ZNF835: variants seen among roughly 807,000 people sequenced by gnomAD.
ZNF835 encodes the protein zinc finger protein 835.
For missense variants in ZNF835, 783 were observed against 758.4 expected, an observed-to-expected ratio of 1.03 and a Z score of -0.38; for synonymous variants, 323 against 324.7, an observed-to-expected ratio of 0.99 and a Z score of 0.06.
chr19:56,663,297 T>G lies in ZNF835; in HGVS notation c.*288A>C, dbSNP rs968959773. On this transcript the variant is annotated 3_prime_UTR_variant, in exon 2 of 2. Transcript: ENST00000537055. ...TCGCTCCACTGCACTCTAGCCTGGG[T>G]GACAGAGAGAGACACTGTCTCAAAG... The G allele has an allele frequency of 2.1e-5, 10 of 469,256 alleles. No individual in the cohort carries two copies. The highest frequency in any genetic ancestry group is 5.8e-4 in the Middle Eastern group (1 of 1,712). The allele number at this position is 469,256 out of a possible 1,614,324, so 29.1% of individuals were successfully genotyped here. A position where few individuals can be genotyped will look rare whatever the true frequency, so the allele number is the denominator to read the frequency against.
Position 56,663,869 on chromosome 19 carries a change from G to A in ZNF835, c.1330C>T (p.Arg444Trp), listed in dbSNP as rs1412785695. 4.3e-6 allele frequency: 7 copies of A among 1,612,004 alleles called. No individual in the cohort carries two copies. The African/African-American group carries it at 8.0e-5, about 18-fold the overall frequency. ...ALHQRTHTGERPYTCPECGKA... is the reference protein window; with the variant it reads ...ALHQRTHTGEWPYTCPECGKA... ...CCGCACTCGGGGCAGGTGTAGGGCCGCTCGCCCGTGTGCGTGCGCTGGTGC... is the reference window on the plus strand; with the variant it reads ...CCGCACTCGGGGCAGGTGTAGGGCCACTCGCCCGTGTGCGTGCGCTGGTGC... Residue 444 changes from arginine to tryptophan, a missense_variant, in exon 2 of 2, where the codon CGG becomes TGG. Coordinates refer to ENST00000537055, the MANE Select transcript of ZNF835 (RefSeq NM_001005850.3).
rs1245794889 is a variant in ZNF835 at position 56,664,431 on chromosome 19, G to A, written c.768C>T (p.Ala256=). Residue 256 remains alanine (A), a synonymous_variant, in exon 2 of 2, where the codon GCC becomes GCT. Transcript: ENST00000537055. Reference sequence around the variant, plus strand: ...GCGCTGAGGAGAAGCGGAAGGCCTTGGCGCACGCGGAGCACTCGTAGGGCT... The same window carrying A: ...GCGCTGAGGAGAAGCGGAAGGCCTTAGCGCACGCGGAGCACTCGTAGGGCT... The part of the protein sequence containing the change: ...GEKPYECSAC[A]KAFRFSSALI... The A allele has an allele frequency of 3.1e-6, 5 of 1,612,606 alleles. No individual in the cohort carries two copies. Among genetic ancestry groups the A allele is most frequent in the South Asian group, 2.2e-5 (2 of 91,046 alleles).
In ZNF835 at chr19:56,664,717, G is replaced by T; in HGVS notation, c.482C>A (p.Thr161Lys). Reference protein sequence around the residue: ...VHLTLHQRTHTGEKPYACHEC... With the variant: ...VHLTLHQRTHKGEKPYACHEC... Reference sequence around the variant, plus strand: ...GTGGCAGGCGTAGGGCTTCTCGCCCGTGTGCGTGCGCTGGTGCAGGGTCAG... The same window carrying T: ...GTGGCAGGCGTAGGGCTTCTCGCCCTTGTGCGTGCGCTGGTGCAGGGTCAG... The change falls in exon 2 of 2, where the codon ACG becomes AAG. Residue 161 changes from threonine to lysine, a missense_variant. Thr to Lys is a moderately conservative substitution (Grantham distance 78). Coordinates refer to ENST00000537055, the MANE Select transcript of ZNF835 (RefSeq NM_001005850.3). 1 of 1,611,490 alleles carries T rather than the reference G, an allele frequency of 6.2e-7. No homozygotes were observed. Among genetic ancestry groups the T allele is most frequent in the South Asian group, 1.1e-5 (1 of 90,782 alleles).
In ZNF835 at chr19:56,663,162, GA is replaced by G. The variant is rs34647340; in HGVS notation, c.*422del. 3,179 of 123,198 alleles carry G rather than the reference GA, an allele frequency of 0.026. 4 individuals carry two copies. Among genetic ancestry groups the G allele is most frequent in the South Asian group, 0.054 (263 of 4,842 alleles). 7.6% of individuals were successfully genotyped at this position (123,198 alleles called of 1,614,324 possible). On this transcript the variant is annotated 3_prime_UTR_variant, in exon 2 of 2. Coordinates refer to ENST00000537055, the MANE Select transcript of ZNF835 (RefSeq NM_001005850.3). The stretch of plus-strand genomic sequence containing the variant: ...GGCGACAGAGCAAGACTCCGTCTCA[GA>G]AAAAAAAAAAAAAAAAAATTAGCCA...
At position 56,670,612 on chromosome 19, in the gene ZNF835, C is replaced by G. The variant is rs2068199043; in HGVS notation, c.-48+964G>C. Among the ~76,000 whole-genome samples the G allele has an allele frequency of 2.0e-5, 3 of 152,194 alleles. No individual in the cohort carries two copies. In the South Asian group the frequency reaches 6.2e-4, roughly 31 times the overall value. On this transcript the variant is annotated intron_variant, in intron 1 of 1. Coordinates refer to ENST00000537055, the MANE Select transcript of ZNF835 (RefSeq NM_001005850.3). ...CACAAGGTCACACATGCCACCTGCT[C>G]CACACAGGCCGGCCATTACTGGGAC...
At position 56,664,308 on chromosome 19, in the gene ZNF835, C is replaced by G. The variant is rs1427292352; in HGVS notation, c.891G>C (p.Arg297=). 2 of 1,605,136 alleles carry G rather than the reference C, an allele frequency of 1.2e-6. No individual in the cohort carries two copies. The highest frequency in any genetic ancestry group is 1.7e-6 in the Non-Finnish European group (2 of 1,176,028). Reference sequence around the variant, plus strand: ...AGGGCTTCTCGCCCGTGTGCACGCGCCGGTGCTGGGTCAGGTGCGCGATCT... The same window carrying G: ...AGGGCTTCTCGCCCGTGTGCACGCGGCGGTGCTGGGTCAGGTGCGCGATCT... ...FAQIAHLTQH[R]RVHTGEKPYT... The change falls in exon 2 of 2, where the codon CGG becomes CGC. Residue 297 remains arginine (R), a synonymous_variant. Coordinates refer to ENST00000537055, the MANE Select transcript of ZNF835 (RefSeq NM_001005850.3).
rs144713760 is a variant in ZNF835, at chr19:56,666,267, C to T, written c.-47-1022G>A. Among the ~76,000 whole-genome samples the T allele has an allele frequency of 6.4e-3, 970 of 152,218 alleles. 29 individuals are homozygous for T. In the East Asian group the frequency reaches 0.076, roughly 12 times the overall value. Reference sequence around the variant, plus strand: ...GACTACAGGTGCACGCCACCATGCCCGGCTAATTTTTGTATTTTTAGTAGA... The same window carrying T: ...GACTACAGGTGCACGCCACCATGCCTGGCTAATTTTTGTATTTTTAGTAGA... On this transcript the variant is annotated intron_variant, in intron 1 of 1. Coordinates refer to ENST00000537055, the MANE Select transcript of ZNF835 (RefSeq NM_001005850.3).
At position 56,664,349 on chromosome 19, in the gene ZNF835, C is replaced by A. The variant is rs575232626; in HGVS notation, c.850G>T (p.Ala284Ser). ...EEKPYRCGQC[A>S]KAFAQIAHLT... ...TGCGCGATCTGCGCGAAGGCCTTGGCGCACTGGCCGCAGCGGTAGGGCTTC... is the reference window on the plus strand; with the variant it reads ...TGCGCGATCTGCGCGAAGGCCTTGGAGCACTGGCCGCAGCGGTAGGGCTTC... The change falls in exon 2 of 2, where the codon GCC (alanine) becomes TCC (serine). Residue 284 changes from alanine (A) to serine (S), a missense_variant. Ala to Ser is a moderately conservative substitution (Grantham distance 99, BLOSUM62 1). Transcript: ENST00000537055. The A allele has an allele frequency of 1.1e-5, 18 of 1,607,308 alleles. No individual in the cohort carries two copies. The highest frequency in any genetic ancestry group is 1.7e-5 in the Admixed American group (1 of 58,836).
At chr19:56,665,297 C>G in intron 1 of ZNF835, 52 bp from the exon 2 acceptor site, 1 of 1,518,268 alleles carries the variant, frequency 6.6e-7, no homozygotes. Flanking sequence ...TTGTCCTGAG[C>G]TGGAAAAATG....
rs931987204 is a variant in ZNF835, at chr19:56,671,681, A to G, written c.-153T>C. On this transcript the variant is annotated 5_prime_UTR_variant, in exon 1 of 2. Coordinates refer to ENST00000537055, the MANE Select transcript of ZNF835 (RefSeq NM_001005850.3). ...CTCAGTCTCGGGTCCTCCTGGGCCA[A>G]CGCAGACCCTGGTGCCTCCTTCCTT... 2.6e-5 allele frequency: 4 copies of G among 152,198 alleles called. No homozygotes were observed. The highest frequency in any genetic ancestry group is 9.7e-5 in the African/African-American group (4 of 41,380). The allele number at this position is 152,198 out of a possible 1,614,324, so 9.4% of individuals were successfully genotyped here.
intron 1 of ZNF835, among the ~76,000 whole-genome samples, chr19:56,668,741 T>A (rs2045266011): frequency 7.4e-6 from 1 of 134,860 alleles, no homozygotes; most frequent in African/African-American, 2.7e-5. Context: ...ACAGAGCAAC[T>A]GAGGTGCAAG....
In ZNF835 at chr19:56,663,676, G is replaced by A. The variant is rs773060093; in HGVS notation, c.1523C>T (p.Thr508Met). ...DSSGRLCPAP[T>M]PDSTPGLSQG... Reference sequence around the variant, plus strand: ...TGAGAGCCCAGGTGTTGAGTCAGGCGTGGGAGCTGGGCAAAGGCGTCCCGA... The same window carrying A: ...TGAGAGCCCAGGTGTTGAGTCAGGCATGGGAGCTGGGCAAAGGCGTCCCGA... The change falls in exon 2 of 2, where the codon ACG becomes ATG. Residue 508 changes from threonine to methionine, a missense_variant. Coordinates refer to ENST00000537055, the MANE Select transcript of ZNF835 (RefSeq NM_001005850.3). 4 of 1,614,054 alleles carry A rather than the reference G, an allele frequency of 2.5e-6. No homozygotes were observed. In the South Asian group the frequency reaches 4.4e-5, roughly 18 times the overall value.
In ZNF835 at chr19:56,664,349, C is replaced by T. The variant is rs575232626; in HGVS notation, c.850G>A (p.Ala284Thr). ...EEKPYRCGQC[A>T]KAFAQIAHLT... ...TGCGCGATCTGCGCGAAGGCCTTGG[C>T]GCACTGGCCGCAGCGGTAGGGCTTC... The change falls in exon 2 of 2, where the codon GCC (alanine) becomes ACC (threonine). Residue 284 changes from alanine to threonine, a missense_variant. Physicochemically the swap from Ala to Thr is moderately conservative, Grantham distance 58. Transcript: ENST00000537055. The T allele has an allele frequency of 2.2e-5, 35 of 1,607,306 alleles. No homozygotes were observed. The highest frequency in any genetic ancestry group is 3.3e-5 in the South Asian group (3 of 90,510).
Position 56,664,667 on chromosome 19 carries a change from C to A in ZNF835, c.532G>T (p.Gly178Cys). 9.9e-6 allele frequency: 16 copies of A among 1,608,724 alleles called. No individual in the cohort carries two copies. The highest frequency in any genetic ancestry group is 1.4e-5 in the Non-Finnish European group (16 of 1,177,948). ...CHECGKAFSQ[G>C]SYLASHWRTH... ...CGCCAGTGGGACGCCAGGTACGAGC[C>A]CTGGCTGAAGGCCTTGCCGCACTCG... is the stretch of plus-strand genomic sequence containing the variant. The change falls in exon 2 of 2, where the codon GGC (glycine) becomes TGC (cysteine). Residue 178 changes from glycine (G) to cysteine (C), a missense_variant. Physicochemically the swap from Gly to Cys is radical, Grantham distance 159. Coordinates refer to ENST00000537055, the MANE Select transcript of ZNF835 (RefSeq NM_001005850.3).
rs1285961118 is a variant in ZNF835 at position 56,663,990 on chromosome 19, G to A, written c.1209C>T (p.Ser403=). The A allele has an allele frequency of 1.9e-6, 3 of 1,611,890 alleles. No individual in the cohort carries two copies. Among genetic ancestry groups the A allele is most frequent in the Admixed American group, 1.7e-5 (1 of 59,932 alleles). Residue 403 remains serine (S), a synonymous_variant, in exon 2 of 2, where the codon TCC becomes TCT. Coordinates refer to ENST00000537055, the MANE Select transcript of ZNF835 (RefSeq NM_001005850.3). The part of the protein sequence containing the change: ...LQCGAAFSHV[S]SLIEHQKIHT... ...GGATCTTCTGGTGCTCTATAAGCGA[G>A]GACACGTGGCTGAAGGCGGCCCCGC...
At chr19:56,671,290 C>T (rs1409298158) in intron 1 of ZNF835, among the ~76,000 whole-genome samples, 1 of 144,374 alleles carries the variant, frequency 6.9e-6, no homozygotes, top group African/African-American at 2.6e-5. Flanking sequence ...CACACCTGCA[C>T]GGCCTGGCAC....
At position 56,663,722 on chromosome 19, in the gene ZNF835, G is replaced by C; in HGVS notation, c.1477C>G (p.Gln493Glu). The change falls in exon 2 of 2, where the codon CAG (glutamine) becomes GAG (glutamate). Residue 493 changes from glutamine (Q) to glutamate (E), a missense_variant. Coordinates refer to ENST00000537055, the MANE Select transcript of ZNF835 (RefSeq NM_001005850.3). Reference sequence around the variant, plus strand: ...CCCGAACTGTCTGCATGCGTCCTCTGGTGTCGGATGAGCGCGGAGGAGAAG... The same window carrying C: ...CCCGAACTGTCTGCATGCGTCCTCTCGTGTCGGATGAGCGCGGAGGAGAAG... ...FSFSSALIRH[Q>E]RTHADSSGRL... 2.5e-6 allele frequency: 4 copies of C among 1,614,034 alleles called. No homozygotes were observed. In the South Asian group the frequency reaches 4.4e-5, roughly 18 times the overall value.
In ZNF835 at chr19:56,664,059, G is replaced by GT. The variant is rs767756013; in HGVS notation, c.1139dup (p.His380GlnfsTer8). 5 of 1,611,534 alleles carry GT rather than the reference G, an allele frequency of 3.1e-6. No individual in the cohort carries two copies. The highest frequency in any genetic ancestry group is 4.2e-6 in the Non-Finnish European group (5 of 1,179,246). ...GCCGCTCACCGGTGTGCACGAGGCG[G>GT]TGCTGGAGGAGGTGGGAGCGGTTGC... On this transcript the variant is annotated frameshift_variant, in exon 2 of 2. Coordinates refer to ENST00000537055, the MANE Select transcript of ZNF835 (RefSeq NM_001005850.3). LOFTEE classifies it low-confidence loss of function (END_TRUNC).
chr19:56,665,501 T>C, intron 1 of ZNF835: 1 of 625,922 alleles, frequency 1.6e-6, no homozygotes, highest in Non-Finnish European at 3.0e-6. Flanking sequence ...ATGAAAAATG[T>C]CTCCAGGCCG....
Sources: allele counts gnomAD v4.1 joint callset (sites outside exome capture counted in the v4.1 genomes callset), GRCh38; gene constraint gnomAD v4.1.1; transcripts MANE v1.5; gene names NCBI Gene and HGNC (gene_info 2026-07-23, HGNC 2026-07-21).